Variants in NFILZ observed in about 807,000 individuals in gnomAD.
NFILZ encodes NFIL3 like basic leucine zipper, also known as NFIL3 like protein.
rs2042866093 is a variant in NFILZ, at chr19:8,630,758, G to A, written c.-411+14G>A. On this transcript the variant is annotated intron_variant, in intron 1 of 5. Coordinates refer to ENST00000691075, the MANE Select transcript of NFILZ (RefSeq NM_001378600.1). The stretch of plus-strand genomic sequence containing the variant: ...GCAGGAAGCAAGGTGGTAATGATGA[G>A]AGGCTGAGTCTTCCTTCCCATGCCT... The A allele has an allele frequency of 6.6e-6, 1 of 152,376 alleles. No homozygotes were observed. The highest frequency in any genetic ancestry group is 2.4e-5 in the African/African-American group (1 of 41,430). 9.4% of individuals were successfully genotyped at this position (152,376 alleles called of 1,614,324 possible). A position where few individuals can be genotyped will look rare whatever the true frequency, so the allele number is the denominator to read the frequency against.
At position 8,649,137 on chromosome 19, in the gene NFILZ, AT is replaced by A. The variant is rs1283341712; in HGVS notation, c.-164+13400del. On this transcript the variant is annotated intron_variant, in intron 3 of 5. Coordinates refer to ENST00000691075, the MANE Select transcript of NFILZ (RefSeq NM_001378600.1). ...ACCACCACACCTGGCTGACTTTCGT[AT>A]TTTTTTTTGGAGAGATGGGGTCTTG... 4.7e-5 allele frequency among the ~76,000 whole-genome samples: 7 copies of A among 147,466 alleles called. No individual in the cohort carries two copies. In the East Asian group the frequency reaches 1.0e-3, roughly 21 times the overall value.
intron 3 of NFILZ, among the ~76,000 whole-genome samples, chr19:8,671,511 C>A (rs572274870): frequency 4.2e-4 from 64 of 152,220 alleles, no homozygotes; most frequent in Non-Finnish European, 7.2e-4. Flanking sequence ...GAGCTGACTG[C>A]TCAGAGTCAC....
At chr19:8,650,994 T>A (rs1037799537) in intron 3 of NFILZ, among the ~76,000 whole-genome samples, 15 of 152,184 alleles carry the variant, frequency 9.9e-5, no homozygotes, top group African/African-American at 3.6e-4. Flanking sequence ...TTTTTAGTTA[T>A]TGTGGAACCA....
At chr19:8,637,881 T>C (rs2042901549) in intron 3 of NFILZ, among the ~76,000 whole-genome samples, 1 of 85,030 alleles carries the variant, frequency 1.2e-5, no homozygotes, top group Non-Finnish European at 2.1e-5. Context: ...TACTACAGCC[T>C]GGGCGACAAG....
intron 3 of NFILZ, among the ~76,000 whole-genome samples, chr19:8,653,012 CT>C (rs1250062302): frequency 0.011 from 313 of 29,780 alleles, 6 homozygotes; most frequent in African/African-American, 0.035. Context: ...TCCTTCCTTC[CT>C]TTCTTTCTTT....
chr19:8,653,043 TCTC>T (rs2042975780), intron 3 of NFILZ, among the ~76,000 whole-genome samples: 198 of 69,140 alleles, frequency 2.9e-3, no homozygotes, highest in African/African-American at 7.2e-3. Flanking sequence ...TTTCTTTCTC[TCTC>T]TCTCTCTCTC....
chr19:8,646,106 G>A (rs1600142358), intron 3 of NFILZ, among the ~76,000 whole-genome samples: 1 of 151,638 alleles, frequency 6.6e-6, no homozygotes. Context: ...GCGCGATCTC[G>A]GCTCACTACA....
intron 3 of NFILZ, among the ~76,000 whole-genome samples, chr19:8,636,445 CTTTTTTT>C (rs1191329112): frequency 3.8e-5 from 4 of 104,332 alleles, no homozygotes; most frequent in South Asian, 7.8e-4. Flanking sequence ...GAGACTCCAT[CTTTTTTT>C]TTTTTTTTTT....
intron 3 of NFILZ, among the ~76,000 whole-genome samples, chr19:8,647,132 C>A (rs1332463763): frequency 2.0e-5 from 3 of 152,132 alleles, no homozygotes; most frequent in African/African-American, 7.2e-5. Context: ...GTTATGCAGG[C>A]AGCTAATAAC....
chr19:8,654,669 A>C (rs552420266), intron 3 of NFILZ, among the ~76,000 whole-genome samples: 1 of 152,322 alleles, frequency 6.6e-6, no homozygotes, highest in African/African-American at 2.4e-5. Flanking sequence ...AAAGAAAAAG[A>C]AAAAGAAATA....
In NFILZ at chr19:8,652,982, TCC is replaced by T. The variant is rs2042972567; in HGVS notation, c.-164+17237_-164+17238del. The stretch of plus-strand genomic sequence containing the variant: ...TCCCTTCCTTCCCTCCTTCCTTCCT[TCC>T]TTCCTTCCTTCCTTCCTTCCTTCCT... On this transcript the variant is annotated intron_variant, in intron 3 of 5. Coordinates refer to ENST00000691075, the MANE Select transcript of NFILZ (RefSeq NM_001378600.1). 9.3e-3 allele frequency among the ~76,000 whole-genome samples: 538 copies of T among 57,988 alleles called. 11 individuals carry two copies. Among genetic ancestry groups the T allele is most frequent in the African/African-American group, 0.048 (511 of 10,634 alleles). The allele number at this position is 57,988 out of a possible 152,430, so 38.0% of individuals were successfully genotyped here.
chr19:8,647,520 C>T (rs1350412866), intron 3 of NFILZ, among the ~76,000 whole-genome samples: 2 of 151,578 alleles, frequency 1.3e-5, no homozygotes, highest in South Asian at 2.1e-4. Flanking sequence ...TGCAGTGAGC[C>T]GAGATCGCAC....
chr19:8,668,083 C>T (rs1438188065), intron 3 of NFILZ, among the ~76,000 whole-genome samples: 17 of 151,810 alleles, frequency 1.1e-4, no homozygotes, highest in African/African-American at 2.4e-4. Flanking sequence ...CTCCAGTAGC[C>T]GGGATTACAG....
chr19:8,647,748 AACACACACACACAC>A (rs138740763), intron 3 of NFILZ, among the ~76,000 whole-genome samples: 1 of 137,152 alleles, frequency 7.3e-6, no homozygotes, highest in African/African-American at 2.7e-5. Flanking sequence ...GGAGGGGAAC[AACACACACACACAC>A]ACACACACGC....
chr19:8,662,255 G>A (rs2043035074), intron 3 of NFILZ, among the ~76,000 whole-genome samples: 1 of 151,860 alleles, frequency 6.6e-6, no homozygotes, highest in Non-Finnish European at 1.5e-5. Flanking sequence ...AAAGTGTCTG[G>A]AATAAGCAGA....
At chr19:8,665,786 C>T (rs1161089871) in intron 3 of NFILZ, among the ~76,000 whole-genome samples, 2 of 152,200 alleles carry the variant, frequency 1.3e-5, no homozygotes, top group Non-Finnish European at 2.9e-5. Context: ...ATTGGTATCT[C>T]ATGTAAATGA....
intron 3 of NFILZ, among the ~76,000 whole-genome samples, chr19:8,653,622 T>A (rs138698678): frequency 1.3e-5 from 2 of 152,206 alleles, no homozygotes; most frequent in African/African-American, 4.8e-5. Flanking sequence ...TATATATACA[T>A]CATGGAATAT....
rs575033412 is a variant in NFILZ at position 8,679,368 on chromosome 19, A to T, written c.*1733A>T. Among the ~76,000 whole-genome samples, 14 of 151,910 alleles carry T rather than the reference A, an allele frequency of 9.2e-5. No individual in the cohort carries two copies. The highest frequency in any genetic ancestry group is 3.4e-4 in the African/African-American group (14 of 41,398). On this transcript the variant is annotated 3_prime_UTR_variant, in exon 6 of 6. Coordinates refer to ENST00000691075, the MANE Select transcript of NFILZ (RefSeq NM_001378600.1). ...CAAACTCCAATCATGGGGAGAGCTC[A>T]TGGGATGGGGGGCTCATCTGGACTG...
intron 3 of NFILZ, among the ~76,000 whole-genome samples, chr19:8,652,980 CTT>C (rs2042972371): frequency 1.2e-5 from 1 of 86,324 alleles, no homozygotes; most frequent in African/African-American, 5.8e-5. Context: ...TCCTTCCTTC[CTT>C]CCTTCCTTCC....
Sources: allele counts gnomAD v4.1 joint callset (sites outside exome capture counted in the v4.1 genomes callset), GRCh38; gene constraint gnomAD v4.1.1; transcripts MANE v1.5; gene names NCBI Gene and HGNC (gene_info 2026-07-23, HGNC 2026-07-21).